BRSK2: variants seen among roughly 807,000 people sequenced by gnomAD.
BRSK2 encodes BR serine/threonine kinase 2.
Under a neutral mutation model 83.3 loss-of-function variants are expected in BRSK2, and 19 were observed. That is an observed-to-expected ratio of 0.23 (90% CI 0.16 to 0.33). BRSK2 has a LOEUF of 0.33. BRSK2 is among the 10% of genes least tolerant of loss of function. BRSK2 has a pLI of 1.00. For missense variants in BRSK2, 798 were observed against 1,042.3 expected (o/e 0.77, Z 3.23); for synonymous variants, 519 against 435.4 (o/e 1.19, Z -2.39).
chr11:1,446,045 TAGCTGGGCTGGGCTG>T (rs1351888351), intron 12 of BRSK2, 138 bp downstream of exon 12: 8 of 810,024 alleles, frequency 9.9e-6, no homozygotes, highest in Non-Finnish European at 1.4e-5. Context: ...AAACTGGGCT[TAGCTGGGCTGGGCTG>T]GGCTGGGCTT....
chr11:1,429,142 G>A (rs939325099), intron 1 of BRSK2, among the ~76,000 whole-genome samples: 12 of 145,192 alleles, frequency 8.3e-5, no homozygotes, highest in Admixed American at 4.8e-4. Context: ...GTGTGTGCAC[G>A]TGTGCATGGG....
At chr11:1,429,508 T>C (rs1252576473) in intron 1 of BRSK2, among the ~76,000 whole-genome samples, 1 of 152,228 alleles carries the variant, frequency 6.6e-6, no homozygotes, top group Non-Finnish European at 1.5e-5. Context: ...CCTGCTGCTC[T>C]GTCGCCAGCA....
chr11:1,436,347 C>T (rs1850300414), intron 2 of BRSK2, among the ~76,000 whole-genome samples: 1 of 152,172 alleles, frequency 6.6e-6, no homozygotes, highest in South Asian at 2.1e-4. Context: ...TTTCTCCTGC[C>T]TCCAAGCAGA....
At chr11:1,429,108 GGT>G (rs1486468036) in intron 1 of BRSK2, among the ~76,000 whole-genome samples, 1 of 146,196 alleles carries the variant, frequency 6.8e-6, no homozygotes. Flanking sequence ...GTGTGCACTC[GGT>G]GTGTGGGTGT....
chr11:1,423,280 C>T lies in BRSK2; in HGVS notation c.92-12760C>T, dbSNP rs1202951230. Among the ~76,000 whole-genome samples, 1 of 152,150 alleles carries T rather than the reference C, an allele frequency of 6.6e-6. No individual in the cohort carries two copies. The highest frequency in any genetic ancestry group is 1.5e-5 in the Non-Finnish European group (1 of 68,024). Reference sequence around the variant, plus strand: ...GAAACGGCAGAACCAGGGACCCTCCCCACTGTCCTGTCCTTAGCGTCTTGA... The same window carrying T: ...GAAACGGCAGAACCAGGGACCCTCCTCACTGTCCTGTCCTTAGCGTCTTGA... On this transcript the variant is annotated intron_variant, in intron 1 of 19. Coordinates refer to ENST00000528841, the MANE Select transcript of BRSK2 (RefSeq NM_001256627.2). The surrounding 1 kb of genome is among the most constrained non-coding windows in gnomAD (Gnocchi z 6.5).
chr11:1,451,305 T>G, intron 14 of BRSK2, 66 bp from the exon 15 acceptor site: 2 of 1,582,862 alleles, frequency 1.3e-6, no homozygotes, highest in Non-Finnish European at 8.7e-7. Context: ...CGGCGCAAGG[T>G]GGCCAGGGCA....
At chr11:1,421,443 G>C (rs1848619052) in intron 1 of BRSK2, among the ~76,000 whole-genome samples, 1 of 149,230 alleles carries the variant, frequency 6.7e-6, no homozygotes, top group African/African-American at 2.4e-5. Context: ...TCCCACCTTT[G>C]TTTGGGTGCT....
chr11:1,419,368 C>A (rs546107108), intron 1 of BRSK2, among the ~76,000 whole-genome samples: 2 of 152,328 alleles, frequency 1.3e-5, no homozygotes, highest in African/African-American at 4.8e-5. Context: ...CCGCTGGCTG[C>A]CCGGGCAGCT....
In BRSK2 at chr11:1,454,257, AAGGTT is replaced by A. The variant is rs2133237126; in HGVS notation, c.1545-224_1545-220del. On this transcript the variant is annotated intron_variant, in intron 15 of 19. Transcript: ENST00000528841. This position sits in a 1 kb window ranked among gnomAD's most constrained non-coding sequence, Gnocchi z 5.2. Reference sequence around the variant, plus strand: ...GGGTCAGGGCGTTAGGGCTTGGAGAAAGGTTAGGGTTGGGGTTGGGGTTAGAGCCA... The same window carrying A: ...GGGTCAGGGCGTTAGGGCTTGGAGAAAGGGTTGGGGTTGGGGTTAGAGCCA... The A allele has an allele frequency of 1.3e-5, 6 of 470,296 alleles. No individual in the cohort carries two copies. The South Asian group carries it at 1.4e-4, about 11-fold the overall frequency. 29.1% of individuals were successfully genotyped at this position (470,296 alleles called of 1,614,324 possible).
At chr11:1,453,708 C>G (rs1846089764) in intron 15 of BRSK2, 2 of 140,116 alleles carry the variant, frequency 1.4e-5, no homozygotes, top group Admixed American at 1.4e-4. Context: ...GCCTCAGAAT[C>G]AGTCGGGAGA....
chr11:1,411,391 A>G (rs919853055), intron 1 of BRSK2: 8 of 1,459,444 alleles, frequency 5.5e-6, no homozygotes, highest in African/African-American at 1.5e-5. Context: ...CTGGTAGGGC[A>G]CCAGCCTCAC....
chr11:1,398,278 A>C (rs956004463), intron 1 of BRSK2, among the ~76,000 whole-genome samples: 1 of 152,158 alleles, frequency 6.6e-6, no homozygotes, highest in African/African-American at 2.4e-5. Context: ...GGCACCCTGA[A>C]TCAGCTGCAG....
chr11:1,427,944 A>G (rs1369353189), intron 1 of BRSK2, among the ~76,000 whole-genome samples: 2 of 152,196 alleles, frequency 1.3e-5, no homozygotes, highest in Admixed American at 6.5e-5. Flanking sequence ...GCTGAGGGAT[A>G]CCAGGACGCA....
chr11:1,439,142 A>C (rs1850782816), intron 3 of BRSK2, among the ~76,000 whole-genome samples: 1 of 152,168 alleles, frequency 6.6e-6, no homozygotes, highest in Non-Finnish European at 1.5e-5. Flanking sequence ...TCTCTGAGGC[A>C]TCAGGCTCTG....
chr11:1,406,698 T>C (rs1846896794), intron 1 of BRSK2, among the ~76,000 whole-genome samples: 1 of 152,084 alleles, frequency 6.6e-6, no homozygotes, highest in Non-Finnish European at 1.5e-5. Flanking sequence ...TGTCCAGCAC[T>C]CGGCCGCCTG....
chr11:1,393,338 A>T (rs1845843279), intron 1 of BRSK2, among the ~76,000 whole-genome samples: 1 of 151,894 alleles, frequency 6.6e-6, no homozygotes, highest in South Asian at 2.1e-4. Flanking sequence ...GAGGCCTGGG[A>T]GGGCCCTGTG....
rs564383322 is a variant in BRSK2, at chr11:1,455,314, C to T, written c.1668+706C>T. Among the ~76,000 whole-genome samples the T allele has an allele frequency of 6.3e-4, 92 of 147,086 alleles. No individual in the cohort carries two copies. The Middle Eastern group carries it at 0.011, about 17-fold the overall frequency. Reference sequence around the variant, plus strand: ...GGCATCACAGGGGCTGCCCCCCACCCGCCTCCCCCACCGCCCCCAGCCTGC... The same window carrying T: ...GGCATCACAGGGGCTGCCCCCCACCTGCCTCCCCCACCGCCCCCAGCCTGC... On this transcript the variant is annotated intron_variant, in intron 16 of 19. Transcript: ENST00000528841.
intron 18 of BRSK2, 195 bp downstream of exon 18, chr11:1,456,882 C>G: frequency 6.6e-7 from 1 of 1,525,294 alleles, no homozygotes. Context: ...CGGGACCACC[C>G]GCCTCGCCTC....
chr11:1,459,564 G>A (rs904800301), intron 19 of BRSK2: 33 of 384,878 alleles, frequency 8.6e-5, no homozygotes, highest in Middle Eastern at 7.6e-4. Context: ...GCCTAGGGGA[G>A]GGGCCGGTGC....
Sources: gnomAD v4.1 joint callset for allele counts (sites outside exome capture counted in the v4.1 genomes callset) on GRCh38, gnomAD v4.1.1 for gene constraint, Gnocchi (gnomAD v3.1) non-coding constraint, MANE v1.5 for transcripts, NCBI Gene and HGNC (gene_info 2026-07-23, HGNC 2026-07-21) for gene names.